The following KLF12 variants were observed in gnomAD, a reference collection of about 807,000 sequenced individuals.
The protein encoded by KLF12 is KLF transcription factor 12.
Under a neutral mutation model 37.8 loss-of-function variants are expected in KLF12, and 9 were observed. That is an observed-to-expected ratio of 0.24 (90% confidence interval 0.14 to 0.42). The LOEUF (loss-of-function observed/expected upper bound fraction) is 0.42, where lower values mean the gene tolerates loss of function less well. KLF12 is among the 10% of genes least tolerant of loss of function. The probability of loss-of-function intolerance (pLI) is 1.00; values close to 1 mark genes in which losing one functional copy is unlikely to be tolerated. For missense variants in KLF12, 411 were observed against 516.0 expected, an observed-to-expected ratio of 0.80 and a Z score of 1.97; for synonymous variants, 208 against 202.1, an observed-to-expected ratio of 1.03 and a Z score of -0.25.
intron 1 of KLF12, among the ~76,000 whole-genome samples, chr13:74,054,967 A>G (rs1265249117): frequency 6.6e-6 from 1 of 152,184 alleles, no homozygotes; most frequent in Non-Finnish European, 1.5e-5. Context: ...AAAACATGAT[A>G]ATACAGCATC....
At chr13:74,289,331 G>A in the KLF12 span, 1 of 152,156 alleles carries the variant, frequency 6.6e-6, no homozygotes, top group African/African-American at 2.4e-5. Context: ...GTGGTGACAC[G>A]GTTATTAATA....
At chr13:73,914,516 T>A (rs1888722756) in intron 3 of KLF12, among the ~76,000 whole-genome samples, 1 of 151,158 alleles carries the variant, frequency 6.6e-6, no homozygotes, top group South Asian at 2.1e-4. Context: ...CAAACATCTA[T>A]AAAGTTACAG....
rs974111501 is a variant in KLF12, at chr13:73,708,510, T to C, written c.1027+6858A>G. On this transcript the variant is annotated intron_variant, in intron 7 of 7. Coordinates refer to ENST00000377669, the MANE Select transcript of KLF12 (RefSeq NM_007249.5). ...TTCCATTTTAATGTCATGTCATACA[T>C]ACTGTTAGAGTTCTAGTTTCTCTTC... Among the ~76,000 whole-genome samples, 8 of 152,298 alleles carry C rather than the reference T, an allele frequency of 5.3e-5. No homozygotes were observed. In the East Asian group the frequency reaches 1.6e-3, roughly 30 times the overall value.
At chr13:73,730,942 G>GT (rs1202680435) in intron 6 of KLF12, among the ~76,000 whole-genome samples, 2 of 151,946 alleles carry the variant, frequency 1.3e-5, no homozygotes, top group Non-Finnish European at 2.9e-5. Context: ...GTTCTGTTTC[G>GT]TTTTTTTAGT....
chr13:73,855,414 A>G (rs926806494), intron 3 of KLF12, among the ~76,000 whole-genome samples: 3 of 152,288 alleles, frequency 2.0e-5, no homozygotes, highest in African/African-American at 7.2e-5. Context: ...TACAAAGGCC[A>G]TGATTTCGTT....
chr13:73,837,092 A>G (rs972235180), intron 4 of KLF12, among the ~76,000 whole-genome samples: 1 of 152,200 alleles, frequency 6.6e-6, no homozygotes, highest in Non-Finnish European at 1.5e-5. Flanking sequence ...TCTACCTTTT[A>G]AAATGATCCG....
chr13:73,986,534 A>C (rs935458355), intron 2 of KLF12, among the ~76,000 whole-genome samples: 2 of 152,228 alleles, frequency 1.3e-5, no homozygotes, highest in Non-Finnish European at 2.9e-5. Flanking sequence ...CTGGCAGAGT[A>C]ATGGCCCCCT....
chr13:73,978,192 A>G (rs1891591134), intron 2 of KLF12, among the ~76,000 whole-genome samples: 1 of 152,194 alleles, frequency 6.6e-6, no homozygotes, highest in Non-Finnish European at 1.5e-5. Flanking sequence ...GATAAGTAAC[A>G]GACTGGGGAA....
At chr13:74,028,753 G>A (rs1467778106) in intron 1 of KLF12, among the ~76,000 whole-genome samples, 2 of 151,874 alleles carry the variant, frequency 1.3e-5, no homozygotes, top group Non-Finnish European at 2.9e-5. Flanking sequence ...GCAGCAGAGA[G>A]TTACAATGTG....
chr13:74,148,884 G>A, the KLF12 span, among the ~76,000 whole-genome samples: 3 of 152,080 alleles, frequency 2.0e-5, no homozygotes, highest in South Asian at 2.1e-4. Flanking sequence ...GCATGACCTC[G>A]GCTCACTGCA....
chr13:73,789,707 C>T (rs556414318), intron 5 of KLF12, among the ~76,000 whole-genome samples: 2 of 150,264 alleles, frequency 1.3e-5, no homozygotes, highest in South Asian at 4.2e-4. Context: ...GACAGAGTCT[C>T]GCTCTGTCGC....
chr13:73,824,313 A>G (rs769975776), intron 4 of KLF12, among the ~76,000 whole-genome samples: 1 of 152,162 alleles, frequency 6.6e-6, no homozygotes, highest in Non-Finnish European at 1.5e-5. Flanking sequence ...CCCCCGGTGC[A>G]TAGGATTCTA....
At chr13:74,045,027 T>A (rs1893503963) in intron 1 of KLF12, among the ~76,000 whole-genome samples, 1 of 152,144 alleles carries the variant, frequency 6.6e-6, no homozygotes, top group Admixed American at 6.5e-5. Context: ...GAGACAAATC[T>A]CCTAAGCAGA....
At chr13:74,290,557 C>T in the KLF12 span, among the ~76,000 whole-genome samples, 1 of 152,172 alleles carries the variant, frequency 6.6e-6, no homozygotes, top group Non-Finnish European at 1.5e-5. Flanking sequence ...ACAGAGGAAC[C>T]GCCAATGAGA....
chr13:73,763,563 T>A (rs1879705760), intron 6 of KLF12, among the ~76,000 whole-genome samples: 1 of 152,184 alleles, frequency 6.6e-6, no homozygotes, highest in South Asian at 2.1e-4. Flanking sequence ...TGCAGGAACA[T>A]CATTACTTCA....
chr13:73,812,149 A>G (rs970840879), intron 5 of KLF12, among the ~76,000 whole-genome samples: 20 of 152,174 alleles, frequency 1.3e-4, no homozygotes, highest in African/African-American at 4.6e-4. Flanking sequence ...ATATTGTATG[A>G]CACTACTTAT....
chr13:74,019,613 A>C (rs980684701), intron 1 of KLF12, among the ~76,000 whole-genome samples: 1 of 152,238 alleles, frequency 6.6e-6, no homozygotes, highest in African/African-American at 2.4e-5. Flanking sequence ...ATAATGTTAC[A>C]TCTCTTGTAA....
At chr13:73,914,675 G>C (rs148502300) in intron 3 of KLF12, among the ~76,000 whole-genome samples, 1 of 152,114 alleles carries the variant, frequency 6.6e-6, no homozygotes, top group East Asian at 1.9e-4. Flanking sequence ...GACAGCACAC[G>C]GGGCTATTCT....
At chr13:74,270,307 A>T in the KLF12 span, among the ~76,000 whole-genome samples, 1 of 152,220 alleles carries the variant, frequency 6.6e-6, no homozygotes, top group African/African-American at 2.4e-5. Flanking sequence ...AGTCAGATGA[A>T]TAGAGGGTTA....
Sources: allele counts gnomAD v4.1 joint callset (sites outside exome capture counted in the v4.1 genomes callset), GRCh38; gene constraint gnomAD v4.1.1; transcripts MANE v1.5; gene names NCBI Gene and HGNC (gene_info 2026-07-23, HGNC 2026-07-21).